ADAR: variants seen among roughly 807,000 people sequenced by gnomAD.
ADAR encodes the protein double-stranded RNA-specific adenosine deaminase.
In ADAR, 41 loss-of-function variants were observed where a neutral mutation model predicts 113.2. That is an observed-to-expected ratio of 0.36 (90% confidence interval 0.28 to 0.47). ADAR has a LOEUF of 0.47. Among genes scored for constraint, ADAR ranks in the 20% least tolerant of loss-of-function variants. The probability of loss-of-function intolerance (pLI) is 1.00; values close to 1 mark genes in which losing one functional copy is unlikely to be tolerated. For missense variants in ADAR, 1,242 were observed against 1,540.9 expected, an observed-to-expected ratio of 0.81 and a Z score of 3.25; for synonymous variants, 605 against 572.6, an observed-to-expected ratio of 1.06 and a Z score of -0.81.
chr1:154,598,361 G>A, intron 3 of ADAR, 41 bp downstream of exon 3: 1 of 1,603,022 alleles, frequency 6.2e-7, no homozygotes, highest in Non-Finnish European at 8.5e-7. Flanking sequence ...TCCAGACACT[G>A]ACAGGGAACT....
chr1:154,588,763 G>A, intron 9 of ADAR, 90 bp from the exon 10 acceptor site: 18 of 1,559,668 alleles, frequency 1.2e-5, no homozygotes, highest in Non-Finnish European at 1.6e-5. Flanking sequence ...AGAAAGTAAG[G>A]AAAAGTCTCA....
chr1:154,625,400 T>C (rs1698904586), intron 1 of ADAR, among the ~76,000 whole-genome samples: 2 of 152,196 alleles, frequency 1.3e-5, no homozygotes, highest in Admixed American at 1.3e-4. Context: ...ACAGCTGGCT[T>C]CAAGTTCCAG....
upstream of ADAR, among the ~76,000 whole-genome samples, chr1:154,612,318 G>GTTTTT (rs55714254): frequency 3.5e-4 from 24 of 69,178 alleles, no homozygotes; most frequent in African/African-American, 7.4e-4. Context: ...AAATTACTCA[G>GTTTTT]TTTTTTTTTT....
At chr1:154,608,320 C>T (rs1210542180), upstream of ADAR, 1 of 429,102 alleles carries the variant, frequency 2.3e-6, no homozygotes, top group South Asian at 3.8e-5. Context: ...ATGAGAACTA[C>T]GGAAGGTACT....
chr1:154,586,308 A>G lies in ADAR; in HGVS notation c.3075T>C (p.Ile1025=). 1.5e-5 allele frequency: 24 copies of G among 1,614,172 alleles called. No individual in the cohort carries two copies. The highest frequency in any genetic ancestry group is 2.0e-5 in the Non-Finnish European group (24 of 1,180,034). The change falls in exon 12 of 15, where the codon ATT becomes ATC. Residue 1025 remains isoleucine, a synonymous_variant. Transcript: ENST00000368474. The part of the protein sequence containing the change: ...SSDIVPTWDG[I]RLGERLRTMS... ...TGGTACGGAGTCTCTCCCCGAGCCG[A>G]ATGCCATCCCACGTAGGCACAATGT...
Position 154,589,470 on chromosome 1 carries a change from G to A in ADAR, c.2669-8C>T, listed in dbSNP as rs755765435. ...CTTTCACACAGCGATTCCCTAGGAA[G>A]GTGTTTAAAACAGAAATAGAATAAT... On this transcript the variant is annotated splice_region_variant and splice_polypyrimidine_tract_variant and intron_variant, in intron 8 of 14. Coordinates refer to ENST00000368474, the MANE Select transcript of ADAR (RefSeq NM_001111.5). 1.9e-6 allele frequency: 3 copies of A among 1,608,194 alleles called. No individual in the cohort carries two copies. Among genetic ancestry groups the A allele is most frequent in the South Asian group, 2.2e-5 (2 of 90,970 alleles).
intron 11 of ADAR, among the ~76,000 whole-genome samples, chr1:154,587,579 C>A (rs1696848689): frequency 6.6e-6 from 1 of 152,128 alleles, no homozygotes; most frequent in Non-Finnish European, 1.5e-5. Flanking sequence ...GGTTTCAGGA[C>A]CACCATGATG....
Position 154,613,857 on chromosome 1 carries a change from T to A in ADAR, c.-870-11231A>T, listed in dbSNP as rs540020100. Among the ~76,000 whole-genome samples the A allele has an allele frequency of 4.9e-5, 7 of 144,250 alleles. No homozygotes were observed. In the South Asian group the frequency reaches 1.5e-3, roughly 31 times the overall value. 94.6% of individuals were successfully genotyped at this position (144,250 alleles called of 152,430 possible). On this transcript the variant is annotated intron_variant, in intron 1 of 14. Transcript: ENST00000368471. ...AGGCGGAGGTTGCAGTGAGCCGAGA[T>A]CGCACCACTGCACTCCACCCTGAGC...
At chr1:154,627,914 A>AGCCTCCCCCCCCCC in exon 1 of ADAR, 1 of 463,322 alleles carries the variant, frequency 2.2e-6, no homozygotes, top group Non-Finnish European at 4.2e-6. Flanking sequence ...TGCGGCCGCG[A>AGCCTCCCCCCCCCC]CCCTCCCCCC....
chr1:154,588,627 C>A lies in ADAR; in HGVS notation c.2809G>T (p.Asp937Tyr). Residue 937 changes from aspartate to tyrosine, a missense_variant, in exon 10 of 15, where the codon GAT becomes TAT. By Grantham distance (160) the Asp-to-Tyr change is radical. Coordinates refer to ENST00000368474, the MANE Select transcript of ADAR (RefSeq NM_001111.5). ...CCCTTAGCAGGTTCAAATATACTATCCTTCGCAGTCTGGGAGTTGTATTTC... is the reference window on the plus strand; with the variant it reads ...CCCTTAGCAGGTTCAAATATACTATACTTCGCAGTCTGGGAGTTGTATTTC... ...LMKYNSQTAKDSIFEPAKGGE... is the reference protein window; with the variant it reads ...LMKYNSQTAKYSIFEPAKGGE... The A allele has an allele frequency of 6.2e-7, 1 of 1,614,110 alleles. No individual in the cohort carries two copies. Among genetic ancestry groups the A allele is most frequent in the Non-Finnish European group, 8.5e-7 (1 of 1,179,986 alleles).
At chr1:154,608,836 G>GGT (rs1698377600), upstream of ADAR, 1 of 138,628 alleles carries the variant, frequency 7.2e-6, no homozygotes, top group African/African-American at 2.6e-5. Context: ...GGAGGGGGGG[G>GGT]GGAGGGGATG....
At chr1:154,621,909 T>C (rs191305552) in intron 1 of ADAR, among the ~76,000 whole-genome samples, 43 of 152,334 alleles carry the variant, frequency 2.8e-4, no homozygotes, top group African/African-American at 9.4e-4. Context: ...TCTCTATTTG[T>C]AGGAGAAGTA....
At chr1:154,599,761 T>G (rs1338157314) in intron 2 of ADAR, among the ~76,000 whole-genome samples, 2 of 152,248 alleles carry the variant, frequency 1.3e-5, no homozygotes, top group Non-Finnish European at 2.9e-5. Flanking sequence ...TCCACTGGCC[T>G]ATTAGGACCT....
At chr1:154,598,029 T>A in intron 3 of ADAR, 53 bp from the exon 4 acceptor site, 2 of 1,581,750 alleles carry the variant, frequency 1.3e-6, no homozygotes, top group Non-Finnish European at 1.7e-6. Context: ...CACTGGTTAG[T>A]CCATCACAGA....
At chr1:154,618,177 C>G (rs941148072) in intron 1 of ADAR, among the ~76,000 whole-genome samples, 4 of 148,126 alleles carry the variant, frequency 2.7e-5, no homozygotes, top group African/African-American at 7.5e-5. Flanking sequence ...TTAAGAATAC[C>G]ATATTCTTAA....
At position 154,602,512 on chromosome 1, in the gene ADAR, T is replaced by C. The variant is rs776621680; in HGVS notation, c.130A>G (p.Ile44Val). Residue 44 changes from isoleucine (I) to valine (V), a missense_variant, in exon 2 of 15, where the codon ATA (isoleucine) becomes GTA (valine). Around this residue, in one of 2 missense-constraint regions of ADAR, gnomAD observed 462 missense variants for 483.1 expected, o/e 0.96. Transcript: ENST00000368474. ...SSPSSFLLKQ[I>V]EFLKGQLPEA... ...GGGAGCTGCCCCTTGAGAAATTCTA[T>C]TTGCTTAAGCAGGAAACTACTGGGG... The C allele has an allele frequency of 9.3e-6, 15 of 1,614,078 alleles. No individual in the cohort carries two copies. The African/African-American group carries it at 1.9e-4, about 20-fold the overall frequency.
chr1:154,606,975 G>A (rs778040162), intron 1 of ADAR, among the ~76,000 whole-genome samples: 22 of 149,528 alleles, frequency 1.5e-4, no homozygotes, highest in Non-Finnish European at 3.0e-4. Context: ...CAAAATTGAG[G>A]TATATAATTT....
chr1:154,621,271 T>C (rs1698785988), intron 1 of ADAR, among the ~76,000 whole-genome samples: 1 of 151,964 alleles, frequency 6.6e-6, no homozygotes, highest in Non-Finnish European at 1.5e-5. Context: ...TTAAAAGTCA[T>C]ATGTAAAAAT....
chr1:154,622,073 T>G (rs1321326248), intron 1 of ADAR, among the ~76,000 whole-genome samples: 1 of 152,100 alleles, frequency 6.6e-6, no homozygotes, highest in Admixed American at 6.5e-5. Flanking sequence ...GGATGTGGGT[T>G]TAGGCCCTCC....
Sources: gnomAD v4.1 joint callset for allele counts (sites outside exome capture counted in the v4.1 genomes callset) on GRCh38, gnomAD v4.1.1 for gene constraint, gnomAD v4.1.1 regional missense constraint, MANE v1.5 for transcripts, NCBI Gene and HGNC (gene_info 2026-07-23, HGNC 2026-07-21) for gene names.